LRP1B: variants seen among roughly 807,000 people sequenced by gnomAD.
LRP1B encodes the protein low-density lipoprotein receptor-related protein 1B.
A neutral mutation model predicts 556.6 loss-of-function variants in LRP1B; 217 were observed. That is an observed-to-expected ratio of 0.39 (90% CI 0.35 to 0.44). The LOEUF is 0.44. LRP1B is among the 20% of genes least tolerant of loss of function. LRP1B has a pLI of 1.00. For missense variants in LRP1B, 5,053 were observed against 5,620.8 expected (o/e 0.90, Z 3.23); for synonymous variants, 2,047 against 1,865.8 (o/e 1.10, Z -2.50).
chr2:140,529,488 C>A (rs1363393438), intron 47 of LRP1B, among the ~76,000 whole-genome samples: 1 of 151,598 alleles, frequency 6.6e-6, no homozygotes, highest in Non-Finnish European at 1.5e-5. Context: ...TACTTTCAAA[C>A]AACATCTTTT....
intron 90 of LRP1B, 78 bp downstream of exon 90, chr2:140,234,708 C>T (rs1680617796): frequency 1.5e-6 from 1 of 681,996 alleles, no homozygotes; most frequent in African/African-American, 1.8e-5. Flanking sequence ...AAACAAGCCT[C>T]TAAGTCTAGT....
intron 2 of LRP1B, among the ~76,000 whole-genome samples, chr2:141,734,830 T>C (rs1381104521): frequency 1.3e-5 from 2 of 152,176 alleles, no homozygotes; most frequent in East Asian, 3.9e-4. Context: ...GGAGTCCTTA[T>C]GAATATGTTA....
rs1306488331 is a variant in LRP1B, at chr2:140,257,581, G to A, written c.13248-10419C>T. Among the ~76,000 whole-genome samples the A allele has an allele frequency of 3.3e-5, 5 of 152,190 alleles. No individual in the cohort carries two copies. In the South Asian group the frequency reaches 6.2e-4, roughly 19 times the overall value. The stretch of plus-strand genomic sequence containing the variant: ...ATGATATGTGTTCCTTTTGTTCCCC[G>A]TGGCATGACTGGCATGGTGAAAGCT... On this transcript the variant is annotated intron_variant, in intron 86 of 90. Transcript: ENST00000389484.
At chr2:140,599,588 TTTGTATTCAATTTTCA>T (rs1323381876) in intron 42 of LRP1B, among the ~76,000 whole-genome samples, 2 of 152,128 alleles carry the variant, frequency 1.3e-5, no homozygotes, top group Non-Finnish European at 2.9e-5. Flanking sequence ...AACAAAAATG[TTTGTATTCAATTTTCA>T]TTGTTGGTAA....
intron 7 of LRP1B, among the ~76,000 whole-genome samples, chr2:141,110,325 G>C (rs539237163): frequency 6.6e-6 from 1 of 151,768 alleles, no homozygotes; most frequent in Non-Finnish European, 1.5e-5. Flanking sequence ...CCAAAAAAAT[G>C]CATAATATAT....
chr2:140,591,859 T>C (rs1682241247), intron 43 of LRP1B, among the ~76,000 whole-genome samples: 1 of 152,216 alleles, frequency 6.6e-6, no homozygotes, highest in Non-Finnish European at 1.5e-5. Flanking sequence ...TCTATGTAAA[T>C]TGAGAGATGA....
chr2:141,211,267 C>T (rs1471771848), intron 6 of LRP1B, among the ~76,000 whole-genome samples: 1 of 150,154 alleles, frequency 6.7e-6, no homozygotes, highest in Non-Finnish European at 1.5e-5. Flanking sequence ...GGATTATAAG[C>T]ATGAGACACC....
intron 2 of LRP1B, among the ~76,000 whole-genome samples, chr2:141,615,116 T>A (rs1284318054): frequency 2.0e-5 from 3 of 152,220 alleles, no homozygotes; most frequent in Admixed American, 6.5e-5. Context: ...GGATAGGCCA[T>A]CTTTGTCACA....
At chr2:141,021,264 G>A (rs1698056748) in intron 11 of LRP1B, among the ~76,000 whole-genome samples, 1 of 151,824 alleles carries the variant, frequency 6.6e-6, no homozygotes, top group African/African-American at 2.4e-5. Flanking sequence ...GGTCTTTCTG[G>A]CTCAGGAAAA....
intron 2 of LRP1B, among the ~76,000 whole-genome samples, chr2:141,551,275 T>C (rs1685741475): frequency 6.6e-6 from 1 of 152,002 alleles, no homozygotes; most frequent in Non-Finnish European, 1.5e-5. Context: ...TAGAACTTTT[T>C]AGTTTGTTTG....
chr2:141,754,435 T>C (rs10188402), intron 2 of LRP1B, among the ~76,000 whole-genome samples: 1 of 151,926 alleles, frequency 6.6e-6, no homozygotes, highest in Non-Finnish European at 1.5e-5. Context: ...AGGGAATGGA[T>C]TGATATCTAG....
chr2:141,779,692 T>C (rs1695184872), intron 2 of LRP1B, among the ~76,000 whole-genome samples: 1 of 152,114 alleles, frequency 6.6e-6, no homozygotes, highest in African/African-American at 2.4e-5. Flanking sequence ...CCTTTTATTT[T>C]GTCCTAGAAA....
chr2:140,643,440 G>A (rs564389897), intron 41 of LRP1B, among the ~76,000 whole-genome samples: 2 of 152,230 alleles, frequency 1.3e-5, no homozygotes, highest in South Asian at 4.1e-4. Flanking sequence ...GAATAAACAA[G>A]CTGTTTAAAA....
At chr2:141,598,433 T>C (rs1033821691) in intron 2 of LRP1B, among the ~76,000 whole-genome samples, 1 of 152,160 alleles carries the variant, frequency 6.6e-6, no homozygotes, top group Admixed American at 6.6e-5. Flanking sequence ...TACAGGTCTT[T>C]GAAAAGCTTA....
At chr2:141,227,528 T>C (rs1319210401) in intron 6 of LRP1B, among the ~76,000 whole-genome samples, 1 of 152,160 alleles carries the variant, frequency 6.6e-6, no homozygotes, top group Non-Finnish European at 1.5e-5. Context: ...TTTATTATTA[T>C]TTAATATGAA....
rs186408060 is a variant in LRP1B, at chr2:140,722,444, C to G, written c.5759-5628G>C. On this transcript the variant is annotated intron_variant, in intron 35 of 90. Transcript: ENST00000389484. ...TCTCAATGCTCTCCTAATTAAGAAT[C>G]TAGAATCTATACTTTTTTCAACTAT... Among the ~76,000 whole-genome samples the G allele has an allele frequency of 2.2e-4, 33 of 152,260 alleles. 1 individual carries two copies. The South Asian group carries it at 6.8e-3, about 32-fold the overall frequency.
chr2:140,543,563 G>A (rs1277307406), intron 43 of LRP1B, among the ~76,000 whole-genome samples: 1 of 151,672 alleles, frequency 6.6e-6, no homozygotes, highest in Non-Finnish European at 1.5e-5. Context: ...TTCTATTATT[G>A]ACAAAAACTC....
At chr2:140,897,308 T>C (rs541519922) in intron 23 of LRP1B, among the ~76,000 whole-genome samples, 22 of 152,250 alleles carry the variant, frequency 1.4e-4, no homozygotes, top group Non-Finnish European at 2.8e-4. Flanking sequence ...GACCCTCTCC[T>C]ACCTTCCTGT....
At chr2:141,770,954 T>A (rs1466487144) in intron 2 of LRP1B, among the ~76,000 whole-genome samples, 1 of 152,244 alleles carries the variant, frequency 6.6e-6, no homozygotes, top group Non-Finnish European at 1.5e-5. Flanking sequence ...AAGGTCACTG[T>A]TGCTTAATTA....
Sources: gnomAD v4.1 joint callset for allele counts (sites outside exome capture counted in the v4.1 genomes callset) on GRCh38, gnomAD v4.1.1 for gene constraint, MANE v1.5 for transcripts, NCBI Gene and HGNC (gene_info 2026-07-23, HGNC 2026-07-21) for gene names.